The following ANXA10 variants were observed in gnomAD, a reference collection of about 807,000 sequenced individuals.
ANXA10 encodes the protein annexin 14.
Under a neutral mutation model 53.5 loss-of-function variants are expected in ANXA10, and 49 were observed. The ratio of observed to expected loss-of-function variants is 0.92; its 90% confidence interval spans 0.73 to 1.16. The LOEUF is 1.16. Ranked by LOEUF, ANXA10 falls within the 50% of genes most tolerant of loss-of-function variation. The probability of loss-of-function intolerance (pLI) is 0.00; values close to 1 mark genes in which losing one functional copy is unlikely to be tolerated. For synonymous variants in ANXA10, 131 were observed against 128.9 expected (o/e 1.02, Z -0.11); for missense variants, 393 against 394.4 (o/e 1.00, Z 0.03).
chr4:168,166,629 T>C (rs1164961295), intron 6 of ANXA10, among the ~76,000 whole-genome samples: 1 of 129,106 alleles, frequency 7.7e-6, no homozygotes, highest in Non-Finnish European at 1.6e-5. Context: ...GGTTTTGTGT[T>C]TCGTGTGTGT....
chr4:168,132,579 G>T (rs1302546745), intron 2 of ANXA10, among the ~76,000 whole-genome samples: 2 of 152,042 alleles, frequency 1.3e-5, no homozygotes, highest in African/African-American at 4.8e-5. Flanking sequence ...ACAACAGGGT[G>T]ACTATAGTCA....
intron 1 of ANXA10, among the ~76,000 whole-genome samples, chr4:168,125,247 C>T (rs1275987920): frequency 2.6e-5 from 4 of 152,038 alleles, no homozygotes; most frequent in African/African-American, 9.7e-5. Context: ...GGGTAAATGC[C>T]TCATGAACGG....
At chr4:168,181,241 G>A (rs371758148) in intron 9 of ANXA10, among the ~76,000 whole-genome samples, 4,972 of 151,624 alleles carry the variant, frequency 0.033, 110 homozygotes, top group Non-Finnish European at 0.048. Flanking sequence ...AATACAAAAA[G>A]TTAGCCGGGC....
chr4:168,134,124 G>A (rs1041217457), intron 2 of ANXA10, among the ~76,000 whole-genome samples: 1 of 151,888 alleles, frequency 6.6e-6, no homozygotes, highest in African/African-American at 2.4e-5. Context: ...TTATGTGTTA[G>A]GAAATAAAAC....
chr4:168,149,946 T>C (rs1274906116), intron 3 of ANXA10, among the ~76,000 whole-genome samples: 2 of 152,172 alleles, frequency 1.3e-5, no homozygotes, highest in East Asian at 3.9e-4. Flanking sequence ...TCAGACTTGA[T>C]TCCCTGTGTT....
intron 3 of ANXA10, among the ~76,000 whole-genome samples, chr4:168,160,944 T>A (rs1044049321): frequency 4.6e-5 from 7 of 152,068 alleles, no homozygotes; most frequent in African/African-American, 1.4e-4. Context: ...CTTCTTAGAC[T>A]CACTCTGGTT....
At chr4:168,099,620 G>A (rs1027308825) in intron 1 of ANXA10, among the ~76,000 whole-genome samples, 6 of 151,964 alleles carry the variant, frequency 3.9e-5, no homozygotes, top group Non-Finnish European at 7.4e-5. Context: ...GAAACTCTTC[G>A]AGATCTCACT....
At chr4:168,096,911 C>CATATATATATATATATATAT (rs35451323) in intron 1 of ANXA10, among the ~76,000 whole-genome samples, 2,027 of 109,196 alleles carry the variant, frequency 0.019, 83 homozygotes, top group African/African-American at 0.05. Context: ...AATACAAATG[C>CATATATATATATATATATAT]ATATATATAT....
At chr4:168,160,965 T>C (rs1224881020) in intron 3 of ANXA10, among the ~76,000 whole-genome samples, 1 of 152,196 alleles carries the variant, frequency 6.6e-6, no homozygotes, top group Non-Finnish European at 1.5e-5. Context: ...ATTAGACCTT[T>C]GTCCCATGGA....
chr4:168,122,129 C>G (rs779123122), intron 1 of ANXA10, among the ~76,000 whole-genome samples: 1 of 152,188 alleles, frequency 6.6e-6, no homozygotes, highest in Non-Finnish European at 1.5e-5. Flanking sequence ...CGTGAGCCAC[C>G]GCCCCCGGCC....
intron 1 of ANXA10, among the ~76,000 whole-genome samples, chr4:168,099,924 CAAGT>C (rs528436548): frequency 3.3e-5 from 5 of 152,212 alleles, no homozygotes; most frequent in East Asian, 1.9e-4. Flanking sequence ...AACAGAGAAA[CAAGT>C]GAGTTAGTCC....
intron 11 of ANXA10, among the ~76,000 whole-genome samples, chr4:168,186,305 T>C (rs1732369074): frequency 1.3e-5 from 2 of 152,180 alleles, no homozygotes; most frequent in Admixed American, 1.3e-4. Context: ...TACAAGAAAA[T>C]TAAAACCTCC....
At chr4:168,180,213 T>C (rs547336808) in intron 9 of ANXA10, among the ~76,000 whole-genome samples, 12 of 152,178 alleles carry the variant, frequency 7.9e-5, no homozygotes, top group Non-Finnish European at 1.5e-4. Context: ...TATTAATAAC[T>C]GTGTATTTTT....
chr4:168,134,484 A>T (rs1731202949), intron 2 of ANXA10, among the ~76,000 whole-genome samples: 1 of 152,198 alleles, frequency 6.6e-6, no homozygotes, highest in Non-Finnish European at 1.5e-5. Flanking sequence ...AAGAACAAAA[A>T]GTAAGACTAT....
chr4:168,166,586 C>A (rs1184985681), intron 6 of ANXA10, among the ~76,000 whole-genome samples: 1 of 150,968 alleles, frequency 6.6e-6, no homozygotes, highest in African/African-American at 2.4e-5. Flanking sequence ...AGCTGAGAAA[C>A]ATGTCTTAAA....
chr4:168,109,984 G>T (rs1730778022), intron 1 of ANXA10, among the ~76,000 whole-genome samples: 1 of 152,210 alleles, frequency 6.6e-6, no homozygotes, highest in Admixed American at 6.5e-5. Context: ...GCCGAGACGG[G>T]CAGATCACGA....
chr4:168,180,963 T>C (rs1205820547), intron 9 of ANXA10, among the ~76,000 whole-genome samples: 1 of 152,094 alleles, frequency 6.6e-6, no homozygotes, highest in Non-Finnish European at 1.5e-5. Context: ...CTTAAGAGAT[T>C]TCAGGTCTAC....
chr4:168,166,019 G>A (rs573644708), intron 6 of ANXA10, among the ~76,000 whole-genome samples: 32 of 152,264 alleles, frequency 2.1e-4, no homozygotes, highest in Non-Finnish European at 3.1e-4. Context: ...TGGGCTTAGC[G>A]CACACTAACA....
At chr4:168,170,764 A>AAAG (rs1481101893) in intron 6 of ANXA10, among the ~76,000 whole-genome samples, 1 of 152,210 alleles carries the variant, frequency 6.6e-6, no homozygotes, top group Non-Finnish European at 1.5e-5. Context: ...ATATACTTAC[A>AAAG]AAGTTTCACA....
Sources: allele counts gnomAD v4.1 joint callset (sites outside exome capture counted in the v4.1 genomes callset), GRCh38; gene constraint gnomAD v4.1.1; transcripts MANE v1.5; gene names NCBI Gene and HGNC (gene_info 2026-07-23, HGNC 2026-07-21).